The following FGD4 variants were observed in gnomAD, a reference collection of about 807,000 sequenced individuals.
The protein encoded by FGD4 is FYVE, RhoGEF and PH domain-containing protein 4.
Under a neutral mutation model 102.0 loss-of-function variants are expected in FGD4, and 42 were observed. The ratio of observed to expected loss-of-function variants is 0.41; its 90% CI spans 0.32 to 0.53. The LOEUF (loss-of-function observed/expected upper bound fraction) is 0.53. Among genes scored for constraint, FGD4 ranks in the 20% least tolerant of loss-of-function variants. The pLI is 0.21. For missense variants in FGD4, 902 were observed against 1,078.2 expected (o/e 0.84, Z 2.29); for synonymous variants, 380 against 375.7 (o/e 1.01, Z -0.13).
intron 1 of FGD4, among the ~76,000 whole-genome samples, chr12:32,523,940 T>G (rs1270446192): frequency 6.6e-6 from 1 of 152,078 alleles, no homozygotes; most frequent in Non-Finnish European, 1.5e-5. Context: ...ATCCTGCCAC[T>G]GCACTCCAGC....
intron 1 of FGD4, among the ~76,000 whole-genome samples, chr12:32,404,997 A>G (rs1165443280): frequency 1.3e-5 from 2 of 152,020 alleles, no homozygotes; most frequent in African/African-American, 2.4e-5. Context: ...GCAGTGGCGC[A>G]ATCTCGGCTC....
At chr12:32,449,476 T>C (rs139385263) in intron 1 of FGD4, among the ~76,000 whole-genome samples, 4,646 of 152,328 alleles carry the variant, frequency 0.03, 112 homozygotes, top group Non-Finnish European at 0.042. Context: ...TTTTGTAGAA[T>C]GTCCTTAAAC....
chr12:32,420,825 A>C (rs984520255), intron 1 of FGD4, among the ~76,000 whole-genome samples: 1 of 152,182 alleles, frequency 6.6e-6, no homozygotes, highest in Non-Finnish European at 1.5e-5. Flanking sequence ...GGCTCAATAG[A>C]TATTGAATAA....
intron 15 of FGD4, among the ~76,000 whole-genome samples, chr12:32,637,451 C>A (rs1950902615): frequency 2.0e-5 from 3 of 151,680 alleles, no homozygotes; most frequent in Admixed American, 2.0e-4. Flanking sequence ...AAAAAATTAG[C>A]CAAGCGTGGT....
At chr12:32,416,717 A>G (rs577924095) in intron 1 of FGD4, among the ~76,000 whole-genome samples, 4 of 152,150 alleles carry the variant, frequency 2.6e-5, no homozygotes, top group African/African-American at 9.6e-5. Flanking sequence ...TGCACTGTCT[A>G]TATCTTGAAA....
At chr12:32,573,493 G>A (rs904643562) in intron 2 of FGD4, among the ~76,000 whole-genome samples, 3 of 152,090 alleles carry the variant, frequency 2.0e-5, no homozygotes, top group Non-Finnish European at 4.4e-5. Flanking sequence ...CCATAACTTT[G>A]GGAGTTGAAA....
chr12:32,527,653 C>T (rs2136801987), intron 1 of FGD4, among the ~76,000 whole-genome samples: 1 of 152,238 alleles, frequency 6.6e-6, no homozygotes, highest in East Asian at 1.9e-4. Flanking sequence ...TGGTCTCGAT[C>T]TCCTGACCCT....
rs182378895 is a variant in FGD4 at position 32,534,553 on chromosome 12, C to G, written c.167-29584C>G. ...TTTTTTTCTTCCCCAGCGTGGGTCA[C>G]TTTATAACACTGCATGCCGAGGGAT... is the stretch of plus-strand genomic sequence containing the variant. On this transcript the variant is annotated intron_variant, in intron 1 of 16. Coordinates refer to ENST00000534526, the MANE Select transcript of FGD4 (RefSeq NM_001370298.3). The G allele has an allele frequency of 5.4e-5, 59 of 1,095,818 alleles. No individual in the cohort carries two copies. The East Asian group carries it at 1.6e-3, about 29-fold the overall frequency. 67.9% of individuals were successfully genotyped at this position (1,095,818 alleles called of 1,614,324 possible).
chr12:32,477,886 G>A (rs770116501), intron 1 of FGD4, among the ~76,000 whole-genome samples: 1 of 152,130 alleles, frequency 6.6e-6, no homozygotes, highest in Non-Finnish European at 1.5e-5. Context: ...GGTAGGAGAC[G>A]ACAAAACAGA....
intron 1 of FGD4, among the ~76,000 whole-genome samples, chr12:32,560,569 A>G (rs953048460): frequency 2.6e-5 from 4 of 152,184 alleles, no homozygotes; most frequent in African/African-American, 4.8e-5. Context: ...AATTTTAATA[A>G]TAATCTGTCA....
rs769174179 is a variant in FGD4 at position 32,582,348 on chromosome 12, A to G, written c.892A>G (p.Ile298Val). 9.3e-6 allele frequency: 15 copies of G among 1,614,206 alleles called. No homozygotes were observed. Among genetic ancestry groups the G allele is most frequent in the Admixed American group, 8.3e-5 (5 of 60,032 alleles). Residue 298 changes from isoleucine to valine, a missense_variant, in exon 4 of 17, where the codon ATA becomes GTA. By Grantham distance (29) the Ile-to-Val change is conservative. Transcript: ENST00000534526. ...TGACAGTAGCTACAGGACTCCAGGC[A>G]TAGGCCCAGTGCTCCCCCTAGAAGA... ...ASDSSYRTPG[I>V]GPVLPLEERG... is the part of the protein sequence containing the mutation.
At chr12:32,442,542 G>A (rs1381865470) in intron 1 of FGD4, among the ~76,000 whole-genome samples, 1 of 147,396 alleles carries the variant, frequency 6.8e-6, no homozygotes, top group Non-Finnish European at 1.5e-5. Context: ...ATCTTGCTCT[G>A]CCTCTCCCAT....
chr12:32,528,582 G>A (rs1420026281), intron 1 of FGD4, among the ~76,000 whole-genome samples: 1 of 151,982 alleles, frequency 6.6e-6, no homozygotes, highest in African/African-American at 2.4e-5. Context: ...GTAGAGATGA[G>A]GTTTCACCAT....
intron 1 of FGD4, among the ~76,000 whole-genome samples, chr12:32,523,312 T>C (rs1310744918): frequency 6.6e-6 from 1 of 152,232 alleles, no homozygotes; most frequent in East Asian, 1.9e-4. Context: ...TGACATTTAC[T>C]ATTTTGAATA....
intron 1 of FGD4, among the ~76,000 whole-genome samples, chr12:32,473,334 T>C (rs1226439579): frequency 6.6e-6 from 1 of 150,556 alleles, no homozygotes; most frequent in Non-Finnish European, 1.5e-5. Context: ...GGGTCCATGC[T>C]GCTTTTATGA....
intron 1 of FGD4, among the ~76,000 whole-genome samples, chr12:32,403,454 T>C (rs1940774599): frequency 6.6e-6 from 1 of 152,122 alleles, no homozygotes; most frequent in Admixed American, 6.5e-5. Flanking sequence ...ACAATCCTTA[T>C]AATCGGTGCA....
At chr12:32,622,433 A>G (rs1165575862) in intron 11 of FGD4, among the ~76,000 whole-genome samples, 1 of 152,226 alleles carries the variant, frequency 6.6e-6, no homozygotes. Flanking sequence ...TCATCACTTT[A>G]TAACATATCC....
At chr12:32,423,046 TTTC>T (rs1941700038) in intron 1 of FGD4, among the ~76,000 whole-genome samples, 1 of 152,224 alleles carries the variant, frequency 6.6e-6, no homozygotes, top group Admixed American at 6.5e-5. Context: ...CTGATGTAAA[TTTC>T]TTATTGCCCT....
At chr12:32,437,538 T>C (rs1270235606) in intron 1 of FGD4, among the ~76,000 whole-genome samples, 1 of 152,214 alleles carries the variant, frequency 6.6e-6, no homozygotes, top group African/African-American at 2.4e-5. Flanking sequence ...CTACCAGAGC[T>C]TCACTACACG....
Sources: gnomAD v4.1 joint callset for allele counts (sites outside exome capture counted in the v4.1 genomes callset) on GRCh38, gnomAD v4.1.1 for gene constraint, MANE v1.5 for transcripts, NCBI Gene and HGNC (gene_info 2026-07-23, HGNC 2026-07-21) for gene names.